Variants in BCAR1 observed in about 807,000 individuals in gnomAD.
BCAR1 encodes the protein BCAR1 scaffold protein, Cas family member.
In BCAR1, 30 loss-of-function variants were observed where a neutral mutation model predicts 67.6. The observed-to-expected ratio is 0.44, with a 90% confidence interval of 0.33 to 0.60. The LOEUF is 0.60. Ranked by LOEUF, BCAR1 falls within the 20% of genes least tolerant of loss-of-function variation. The pLI is 0.02. For synonymous variants in BCAR1, 626 were observed against 556.7 expected, an observed-to-expected ratio of 1.12 and a Z score of -1.75; for missense variants, 1,313 against 1,222.3, an observed-to-expected ratio of 1.07 and a Z score of -1.11.
At chr16:75,265,801 G>A (rs1348238257) in intron 1 of BCAR1, 11 of 1,198,458 alleles carry the variant, frequency 9.2e-6, no homozygotes, top group Non-Finnish European at 1.1e-5. Context: ...GCCGGCCCGG[G>A]GTCCCGGGCG....
At chr16:75,254,829 GA>G (rs2077743074), upstream of BCAR1, among the ~76,000 whole-genome samples, 1 of 152,178 alleles carries the variant, frequency 6.6e-6, no homozygotes, top group Admixed American at 6.5e-5. Context: ...TGTTTGTACA[GA>G]AAACAGGTGG....
At chr16:75,242,095 G>A (rs528307371) in intron 2 of BCAR1, among the ~76,000 whole-genome samples, 4 of 152,214 alleles carry the variant, frequency 2.6e-5, no homozygotes, top group African/African-American at 9.6e-5. Flanking sequence ...CGTAAACCCA[G>A]ATGGCACAGG....
upstream of BCAR1, chr16:75,252,026 G>T: frequency 1.5e-6 from 1 of 680,100 alleles, no homozygotes; most frequent in Non-Finnish European, 2.5e-6. Flanking sequence ...CAACCCCAGG[G>T]CATTCATCGC....
intron 2 of BCAR1, chr16:75,238,319 C>G: frequency 1.7e-6 from 2 of 1,143,054 alleles, no homozygotes; most frequent in Non-Finnish European, 2.2e-6. Flanking sequence ...CCTCCACCAC[C>G]AGGCTCCCTG....
exon 1 of BCAR1, chr16:75,267,925 G>C (rs896001467): frequency 1.2e-6 from 2 of 1,602,540 alleles, no homozygotes; most frequent in African/African-American, 2.7e-5. Flanking sequence ...TCTGAGGCAG[G>C]GATCCTTGGG....
intron 1 of BCAR1, among the ~76,000 whole-genome samples, chr16:75,261,846 A>G (rs1393406461): frequency 6.6e-6 from 1 of 152,218 alleles, no homozygotes; most frequent in Non-Finnish European, 1.5e-5. Flanking sequence ...CTGGCTGCCC[A>G]GGAGTCAGGA....
chr16:75,231,804 G>A (rs115156411), intron 6 of BCAR1, among the ~76,000 whole-genome samples: 4,569 of 152,336 alleles, frequency 0.03, 101 homozygotes, highest in Middle Eastern at 0.11. Flanking sequence ...CAAAGTACAC[G>A]ACCACTTCTG....
chr16:75,250,489 C>T (rs1054673335), intron 1 of BCAR1, among the ~76,000 whole-genome samples: 2 of 152,212 alleles, frequency 1.3e-5, no homozygotes, highest in Admixed American at 6.5e-5. Context: ...ACCAAAGCTG[C>T]GGCGGGCCCC....
intron 1 of BCAR1, among the ~76,000 whole-genome samples, chr16:75,267,589 C>T (rs2078027052): frequency 6.6e-6 from 1 of 152,168 alleles, no homozygotes; most frequent in Admixed American, 6.5e-5. Flanking sequence ...TGCCCCCACC[C>T]ACCACCACCC....
intron 1 of BCAR1, chr16:75,248,408 T>G: frequency 1.2e-5 from 14 of 1,151,424 alleles, no homozygotes; most frequent in Non-Finnish European, 1.5e-5. Context: ...CCAAAGAGCC[T>G]CCGTGGCCAA....
chr16:75,246,612 C>G (rs1597244215), intron 1 of BCAR1: 1 of 152,394 alleles, frequency 6.6e-6, no homozygotes, highest in African/African-American at 2.4e-5. Context: ...ACTCACACCG[C>G]AGACTCCATG....
chr16:75,233,385 AT>A (rs2076970058), intron 6 of BCAR1, among the ~76,000 whole-genome samples: 1 of 151,952 alleles, frequency 6.6e-6, no homozygotes, highest in African/African-American at 2.4e-5. Flanking sequence ...AAAAAAAAAA[AT>A]ACTAAGGAAG....
chr16:75,240,952 G>T (rs1478887050), intron 2 of BCAR1, among the ~76,000 whole-genome samples: 1 of 152,258 alleles, frequency 6.6e-6, no homozygotes, highest in African/African-American at 2.4e-5. Flanking sequence ...TCTCGCTGCT[G>T]CTCCCCAGCC....
rs2076811597 is a variant in BCAR1, at chr16:75,229,338, C to T, written c.*173G>A. The T allele has an allele frequency of 2.7e-6, 3 of 1,115,608 alleles. No individual in the cohort carries two copies. Among genetic ancestry groups the T allele is most frequent in the African/African-American group, 3.2e-5 (2 of 63,264 alleles). The allele number at this position is 1,115,608 out of a possible 1,614,324, so 69.1% of individuals were successfully genotyped here. On this transcript the variant is annotated 3_prime_UTR_variant, in exon 7 of 7. Transcript: ENST00000162330. Reference sequence around the variant, plus strand: ...CTTCGGCTCCTGAGGAGGCATGGCCCCACACCCTGCCCGGCCATAAATATA... The same window carrying T: ...CTTCGGCTCCTGAGGAGGCATGGCCTCACACCCTGCCCGGCCATAAATATA...
At chr16:75,237,448 C>T in intron 2 of BCAR1, 104 bp from the exon 3 acceptor site, 1 of 1,337,370 alleles carries the variant, frequency 7.5e-7, no homozygotes, top group East Asian at 3.0e-5. Flanking sequence ...GCAGGGCACA[C>T]CAGGTGGAAG....
upstream of BCAR1, chr16:75,252,150 A>T: frequency 6.7e-7 from 1 of 1,497,574 alleles, no homozygotes; most frequent in Non-Finnish European, 9.0e-7. Flanking sequence ...AGACGGTCCC[A>T]CCGTGTAAGG....
At chr16:75,236,364 C>A (rs1597190974) in intron 4 of BCAR1, 2 of 335,946 alleles carry the variant, frequency 6.0e-6, no homozygotes, top group Non-Finnish European at 1.1e-5. Flanking sequence ...TGTGATACTG[C>A]CACTGCCACC....
rs2077405056 is a variant in BCAR1 at position 75,243,006 on chromosome 16, G to A, written c.97C>T (p.Leu33=). 17 of 1,613,492 alleles carry A rather than the reference G, an allele frequency of 1.1e-5. No homozygotes were observed. Among genetic ancestry groups the A allele is most frequent in the Non-Finnish European group, 1.4e-5 (16 of 1,179,752 alleles). The change falls in exon 2 of 7, where the codon CTG becomes TTG. Residue 33 remains leucine (L), a synonymous_variant. Transcript: ENST00000162330. ...TCCAGGCCCTGCGTGTCCTGCTCCAGCACCGTCATGATGTCACCCTTGCGG... is the reference window on the plus strand; with the variant it reads ...TCCAGGCCCTGCGTGTCCTGCTCCAACACCGTCATGATGTCACCCTTGCGG... ...SFRKGDIMTV[L]EQDTQGLDGW...
intron 6 of BCAR1, among the ~76,000 whole-genome samples, chr16:75,231,028 G>C (rs1332749760): frequency 1.4e-5 from 2 of 148,022 alleles, no homozygotes; most frequent in Non-Finnish European, 2.9e-5. Context: ...AAGCTTTGTG[G>C]GGTTTTTTTT....
Sources: allele counts gnomAD v4.1 joint callset (sites outside exome capture counted in the v4.1 genomes callset), GRCh38; gene constraint gnomAD v4.1.1; transcripts MANE v1.5; gene names NCBI Gene and HGNC (gene_info 2026-07-23, HGNC 2026-07-21).